SULF1: variants seen among roughly 807,000 people sequenced by gnomAD.
SULF1 encodes the protein extracellular sulfatase Sulf-1.
A neutral mutation model predicts 110.5 loss-of-function variants in SULF1; 46 were observed. The observed-to-expected ratio is 0.42, with a 90% confidence interval of 0.33 to 0.53. The LOEUF (loss-of-function observed/expected upper bound fraction) is 0.53, where lower values mean the gene tolerates loss of function less well. Among genes scored for constraint, SULF1 ranks in the 20% least tolerant of loss-of-function variants. SULF1 has a pLI of 0.12. For missense variants in SULF1, 941 were observed against 1,094.2 expected (o/e 0.86, Z 1.98); for synonymous variants, 371 against 387.1 (o/e 0.96, Z 0.49).
intron 22 of SULF1, among the ~76,000 whole-genome samples, chr8:69,649,964 CCTG>C (rs1273092124): frequency 8.5e-6 from 1 of 117,026 alleles, no homozygotes; most frequent in Admixed American, 9.8e-5. Flanking sequence ...TGTAATTCCT[CCTG>C]CTTGCTTTTT....
intron 3 of SULF1, among the ~76,000 whole-genome samples, chr8:69,545,985 A>G (rs967669145): frequency 8.5e-5 from 13 of 152,174 alleles, no homozygotes; most frequent in Admixed American, 7.2e-4. Flanking sequence ...GTGAGCCACC[A>G]TGTCCAGCCT....
At chr8:69,538,693 CT>C (rs79507088) in intron 3 of SULF1, among the ~76,000 whole-genome samples, 13,538 of 151,048 alleles carry the variant, frequency 0.09, 1,067 homozygotes, top group East Asian at 0.37. Context: ...TTTCTTTTTT[CT>C]TTTTTTTTGT....
At chr8:69,555,000 A>AC (rs1815007623) in intron 3 of SULF1, among the ~76,000 whole-genome samples, 14 of 31,812 alleles carry the variant, frequency 4.4e-4, no homozygotes, top group African/African-American at 2.4e-3. Context: ...AAAAAAAAAC[A>AC]AAAAAAAAAA....
chr8:69,492,223 C>G (rs2150555142), upstream of SULF1, among the ~76,000 whole-genome samples: 1 of 151,564 alleles, frequency 6.6e-6, no homozygotes, highest in South Asian at 2.1e-4. Flanking sequence ...GGGAGGGAAG[C>G]TTGGTGCTCA....
intron 3 of SULF1, among the ~76,000 whole-genome samples, chr8:69,540,518 G>C (rs1254862785): frequency 6.6e-6 from 1 of 152,196 alleles, no homozygotes; most frequent in African/African-American, 2.4e-5. Flanking sequence ...CTCAGATTCA[G>C]AACTCCCTTC....
intron 6 of SULF1, among the ~76,000 whole-genome samples, chr8:69,583,971 T>G (rs1563554613): frequency 6.6e-6 from 1 of 151,770 alleles, no homozygotes; most frequent in South Asian, 2.1e-4. Flanking sequence ...AGAGAGCAAA[T>G]AGAGGAAACA....
chr8:69,534,906 G>A (rs1484960252), intron 3 of SULF1, among the ~76,000 whole-genome samples: 1 of 151,860 alleles, frequency 6.6e-6, no homozygotes, highest in African/African-American at 2.4e-5. Context: ...GTACTGTTTT[G>A]ATATGAAATA....
In SULF1 at chr8:69,603,614, A is replaced by G. The variant is rs761015287; in HGVS notation, c.1205A>G (p.Lys402Arg). The stretch of plus-strand genomic sequence containing the variant: ...TTTGCTTTCAGGTTTCGAACAAACA[A>G]GAAGGCCAAAATTTGGCGTGATACA... ...EKPGNRFRTNKKAKIWRDTFL... is the reference protein window; with the variant it reads ...EKPGNRFRTNRKAKIWRDTFL... Residue 402 changes from lysine to arginine, a missense_variant, in exon 12 of 23, where the codon AAG becomes AGG. Physicochemically the swap from Lys to Arg is conservative, Grantham distance 26. This residue lies in a region of SULF1 where 822 missense variants were observed against 934.3 expected (regional missense o/e 0.88). Transcript: ENST00000402687. The G allele has an allele frequency of 1.9e-6, 3 of 1,613,878 alleles. No individual in the cohort carries two copies. In the South Asian group the frequency reaches 3.3e-5, roughly 18 times the overall value.
At chr8:69,560,713 A>G (rs1011560161) in intron 3 of SULF1, among the ~76,000 whole-genome samples, 3 of 152,228 alleles carry the variant, frequency 2.0e-5, no homozygotes, top group Non-Finnish European at 4.4e-5. Context: ...TTTGTCTGTC[A>G]GGACTTTTTT....
chr8:69,571,414 G>A (rs1251236470), intron 5 of SULF1, among the ~76,000 whole-genome samples: 1 of 152,218 alleles, frequency 6.6e-6, no homozygotes, highest in Non-Finnish European at 1.5e-5. Context: ...TAAATGACTT[G>A]CTCAGGCTAA....
At chr8:69,591,377 A>G (rs1806885140) in intron 8 of SULF1, among the ~76,000 whole-genome samples, 1 of 152,054 alleles carries the variant, frequency 6.6e-6, no homozygotes, top group Admixed American at 6.5e-5. Context: ...ACACTGTGAA[A>G]CACTGTCTCT....
intron 8 of SULF1, among the ~76,000 whole-genome samples, chr8:69,590,214 T>C (rs982069898): frequency 6.6e-6 from 1 of 152,134 alleles, no homozygotes; most frequent in Non-Finnish European, 1.5e-5. Flanking sequence ...CAGGCTGGAG[T>C]GCAGTGGTGC....
chr8:69,550,623 C>G (rs1211271331), intron 3 of SULF1, among the ~76,000 whole-genome samples: 15 of 152,168 alleles, frequency 9.9e-5, no homozygotes, highest in Admixed American at 9.8e-4. Flanking sequence ...CAGACATGAA[C>G]CCTTTCGGTT....
chr8:69,582,170 G>T, intron 6 of SULF1, among the ~76,000 whole-genome samples: 1 of 152,096 alleles, frequency 6.6e-6, no homozygotes, highest in East Asian at 1.9e-4. Flanking sequence ...CCCCAACAAT[G>T]AAGTAACTTA....
intron 6 of SULF1, among the ~76,000 whole-genome samples, chr8:69,586,050 C>T (rs765929731): frequency 2.0e-5 from 3 of 152,228 alleles, no homozygotes; most frequent in Non-Finnish European, 4.4e-5. Context: ...AACAAAAGAG[C>T]ATAGCCTGAT....
At position 69,649,972 on chromosome 8, in the gene SULF1, CTTTTTTTTTTTTTTTTTTTTTT is replaced by C. The variant is rs536073966; in HGVS notation, c.2586-8517_2586-8496del. ...CCCACTCTGTAATTCCTCCTGCTTG[CTTTTTTTTTTTTTTTTTTTTTT>C]TTTTTTTTTTTTTTTGTCTGAGACA... On this transcript the variant is annotated intron_variant, in intron 22 of 22. Transcript: ENST00000402687. 2.3e-4 allele frequency among the ~76,000 whole-genome samples: 7 copies of C among 30,588 alleles called. No individual in the cohort carries two copies. In the East Asian group the frequency reaches 5.2e-3, roughly 23 times the overall value. The allele number at this position is 30,588 out of a possible 152,430, so 20.1% of individuals were successfully genotyped here. A position where few individuals can be genotyped will look rare whatever the true frequency, so the allele number is the denominator to read the frequency against.
chr8:69,620,405 T>C (rs566481546), intron 13 of SULF1, among the ~76,000 whole-genome samples: 2 of 152,292 alleles, frequency 1.3e-5, no homozygotes, highest in East Asian at 3.9e-4. Flanking sequence ...GGTGAGGCCT[T>C]TGCCAGGAAA....
At chr8:69,577,122 G>A (rs930732720) in intron 6 of SULF1, among the ~76,000 whole-genome samples, 2 of 152,306 alleles carry the variant, frequency 1.3e-5, no homozygotes, top group African/African-American at 2.4e-5. Flanking sequence ...ACTGTCACTC[G>A]CAGACAGCTC....
Position 69,647,911 on chromosome 8 carries a change from T to C in SULF1, c.2585+7070T>C, listed in dbSNP as rs76877625. Among the ~76,000 whole-genome samples the C allele has an allele frequency of 4.0e-4, 61 of 151,666 alleles. 1 individual carries two copies. The East Asian group carries it at 0.012, about 29-fold the overall frequency. ...CTGTCTCAAAAAAGAAAGAAATTTA[T>C]GGTATTTTTACTATGGCCAATTCTG... On this transcript the variant is annotated intron_variant, in intron 22 of 22. Transcript: ENST00000402687.
Sources: gnomAD v4.1 joint callset for allele counts (sites outside exome capture counted in the v4.1 genomes callset) on GRCh38, gnomAD v4.1.1 for gene constraint, gnomAD v4.1.1 regional missense constraint, MANE v1.5 for transcripts, NCBI Gene and HGNC (gene_info 2026-07-23, HGNC 2026-07-21) for gene names.